Variants in GDI2 observed in about 807,000 individuals in gnomAD.
The protein encoded by GDI2 is GDP dissociation inhibitor 2.
Under a neutral mutation model 54.2 loss-of-function variants are expected in GDI2, and 22 were observed. That is an observed-to-expected ratio of 0.41 (90% CI 0.29 to 0.58). GDI2 has a LOEUF of 0.58. Ranked by LOEUF, GDI2 falls within the 20% of genes least tolerant of loss-of-function variation. The pLI is 0.35. For synonymous variants in GDI2, 177 were observed against 182.1 expected, an observed-to-expected ratio of 0.97 and a Z score of 0.23; for missense variants, 422 against 546.0, an observed-to-expected ratio of 0.77 and a Z score of 2.26.
chr10:5,794,232 T>A (rs868177728), intron 4 of GDI2, among the ~76,000 whole-genome samples: 616 of 97,166 alleles, frequency 6.3e-3, no homozygotes, highest in African/African-American at 7.1e-3. Flanking sequence ...TATATATATA[T>A]AAAACTCACC....
chr10:5,812,942 G>A (rs1320961751), intron 1 of GDI2, among the ~76,000 whole-genome samples: 1 of 152,202 alleles, frequency 6.6e-6, no homozygotes, highest in Non-Finnish European at 1.5e-5. Context: ...GGGGGCAAGC[G>A]CAGAGGCCGG....
At chr10:5,767,411 A>C (rs1840372644) in intron 8 of GDI2, among the ~76,000 whole-genome samples, 1 of 151,920 alleles carries the variant, frequency 6.6e-6, no homozygotes, top group South Asian at 2.1e-4. Context: ...TCCTGAGCTC[A>C]AGTGATCCTC....
chr10:5,794,172 GAAAA>G (rs1256206663), intron 4 of GDI2, among the ~76,000 whole-genome samples: 20 of 27,964 alleles, frequency 7.2e-4, no homozygotes, highest in Admixed American at 5.0e-3. Flanking sequence ...GTCTTTAAAA[GAAAA>G]AAAAAAAAAA....
intron 7 of GDI2, 121 bp downstream of exon 7, chr10:5,773,721 T>C (rs955652555): frequency 1.5e-6 from 1 of 646,556 alleles, no homozygotes; most frequent in African/African-American, 1.8e-5. Flanking sequence ...TTAGTCACAA[T>C]AAATACTAAC....
In GDI2 at chr10:5,813,240, C is replaced by G; in HGVS notation, c.19G>C (p.Val7Leu). MNEEYD[V>L]IVLGTGLTEC... ...GTCAGGCCGGTGCCCAGCACGATCA[C>G]GTCGTACTCCTCATTCATGGCGGGG... The change falls in exon 1 of 11, where the codon GTG becomes CTG. Residue 7 changes from valine to leucine, a missense_variant. Val to Leu is a conservative substitution (Grantham distance 32, BLOSUM62 1). Coordinates refer to ENST00000380191, the MANE Select transcript of GDI2 (RefSeq NM_001494.4). 6.3e-7 allele frequency: 1 copy of G among 1,596,926 alleles called. No individual in the cohort carries two copies. Among genetic ancestry groups the G allele is most frequent in the East Asian group, 2.3e-5 (1 of 43,718 alleles).
At chr10:5,810,321 A>T (rs1276178841) in intron 1 of GDI2, among the ~76,000 whole-genome samples, 1 of 152,242 alleles carries the variant, frequency 6.6e-6, no homozygotes, top group Admixed American at 6.5e-5. Context: ...AAGCACAAAC[A>T]GCTGTGGAAC....
At chr10:5,784,295 T>A (rs987758592) in intron 6 of GDI2, among the ~76,000 whole-genome samples, 1 of 152,250 alleles carries the variant, frequency 6.6e-6, no homozygotes, top group Non-Finnish European at 1.5e-5. Context: ...TATTTATTTA[T>A]GCTATTTTCC....
intron 1 of GDI2, among the ~76,000 whole-genome samples, chr10:5,806,069 G>C (rs571216526): frequency 3.4e-4 from 52 of 152,156 alleles, no homozygotes; most frequent in Non-Finnish European, 6.5e-4. Flanking sequence ...ATCAAGAAGA[G>C]TATAAATACA....
chr10:5,785,837 A>G lies in GDI2; in HGVS notation c.587+15T>C. ...ATTTCAAGAAAAATACAAATCTAAAAACCAAAATACTTACTCATCAGTTCT... is the reference window on the plus strand; with the variant it reads ...ATTTCAAGAAAAATACAAATCTAAAGACCAAAATACTTACTCATCAGTTCT... On this transcript the variant is annotated intron_variant, in intron 5 of 10. Coordinates refer to ENST00000380191, the MANE Select transcript of GDI2 (RefSeq NM_001494.4). 6.7e-7 allele frequency: 1 copy of G among 1,486,888 alleles called. No individual in the cohort carries two copies. Among genetic ancestry groups the G allele is most frequent in the Non-Finnish European group, 9.3e-7 (1 of 1,080,822 alleles). The allele number at this position is 1,486,888 out of a possible 1,614,324, so 92.1% of individuals were successfully genotyped here. A position where few individuals can be genotyped will look rare whatever the true frequency, so the allele number is the denominator to read the frequency against.
Position 5,776,511 on chromosome 10 carries a change from A to T in GDI2, c.720-2570T>A. 7.2e-7 allele frequency: 1 copy of T among 1,391,550 alleles called. No homozygotes were observed. Among genetic ancestry groups the T allele is most frequent in the Non-Finnish European group, 1.0e-6 (1 of 981,384 alleles). The allele number at this position is 1,391,550 out of a possible 1,614,324, so 86.2% of individuals were successfully genotyped here. On this transcript the variant is annotated intron_variant, in intron 6 of 10. Transcript: ENST00000380191. This position sits in a 1 kb window ranked among gnomAD's most constrained non-coding sequence, Gnocchi z 5.3. ...TATTAGAAGCAAAGGCCCGAAAGAT[A>T]AAACAATTATAGAGAAGCAGATTTG...
intron 6 of GDI2, among the ~76,000 whole-genome samples, chr10:5,777,126 A>G (rs1347455769): frequency 6.6e-6 from 1 of 152,198 alleles, no homozygotes; most frequent in Non-Finnish European, 1.5e-5. Flanking sequence ...AAATGGCTAC[A>G]TAGAATAATT....
intron 7 of GDI2, among the ~76,000 whole-genome samples, chr10:5,771,663 G>A (rs1371238779): frequency 6.6e-6 from 1 of 151,854 alleles, no homozygotes; most frequent in Non-Finnish European, 1.5e-5. Flanking sequence ...TGCTTCCTAA[G>A]AAAAACTTGA....
Position 5,768,590 on chromosome 10 carries a change from G to C in GDI2, c.820-206C>G. 1.8e-6 allele frequency: 1 copy of C among 558,092 alleles called. No homozygotes were observed. Among genetic ancestry groups the C allele is most frequent in the Non-Finnish European group, 3.2e-6 (1 of 313,196 alleles). The allele number at this position is 558,092 out of a possible 1,614,324, so 34.6% of individuals were successfully genotyped here. A position where few individuals can be genotyped will look rare whatever the true frequency, so the allele number is the denominator to read the frequency against. On this transcript the variant is annotated intron_variant, in intron 7 of 10. Coordinates refer to ENST00000380191, the MANE Select transcript of GDI2 (RefSeq NM_001494.4). The surrounding 1 kb of genome is among the most constrained non-coding windows in gnomAD (Gnocchi z 4.4). ...AGCTGGAGGACTCACTCACTAAAAA[G>C]CTACAGTGATCAATTCAGTGTGGTA...
Position 5,766,580 on chromosome 10 carries a change from A to G in GDI2, c.1050T>C (p.Ile350=). ...TTTCCACAGTTGTACTAACTATAGC[A>G]ATGTACTTCCCTTGTGCTGCTACAT... The part of the protein sequence containing the change: ...AHNVAAQGKY[I]AIVSTTVETK... The change falls in exon 9 of 11, where the codon ATT becomes ATC. Residue 350 remains isoleucine, a synonymous_variant. Transcript: ENST00000380191. The surrounding 1 kb of genome is among the most constrained non-coding windows in gnomAD (Gnocchi z 5.8). 6.2e-7 allele frequency: 1 copy of G among 1,613,138 alleles called. No individual in the cohort carries two copies. The highest frequency in any genetic ancestry group is 8.5e-7 in the Non-Finnish European group (1 of 1,179,122).
At chr10:5,801,398 G>A (rs1035305838) in intron 1 of GDI2, among the ~76,000 whole-genome samples, 2 of 152,102 alleles carry the variant, frequency 1.3e-5, no homozygotes, top group South Asian at 2.1e-4. Flanking sequence ...TTGATAGGGT[G>A]GGCACAGTGG....
At position 5,776,751 on chromosome 10, in the gene GDI2, C is replaced by T. The variant is rs1470726479; in HGVS notation, c.720-2810G>A. 50 of 1,531,244 alleles carry T rather than the reference C, an allele frequency of 3.3e-5. No individual in the cohort carries two copies. Among genetic ancestry groups the T allele is most frequent in the Middle Eastern group, 3.8e-4 (2 of 5,242 alleles). 94.9% of individuals were successfully genotyped at this position (1,531,244 alleles called of 1,614,324 possible). A position where few individuals can be genotyped will look rare whatever the true frequency, so the allele number is the denominator to read the frequency against. ...ACCTGGCAGAAGTTTGCAGCAAATA[C>T]CAGGAAAGCCAAGGACATTCCAATC... On this transcript the variant is annotated intron_variant, in intron 6 of 10. Transcript: ENST00000380191. This position sits in a 1 kb window ranked among gnomAD's most constrained non-coding sequence, Gnocchi z 5.3.
Position 5,786,026 on chromosome 10 carries a change from C to T in GDI2, c.413G>A (p.Arg138His), listed in dbSNP as rs1271271901. ...ATACACTAGGAATTTCCTGAAGCGA[C>T]GTTTTTCAAACAATCCCATTAGGCC... ...ASSLMGLFEK[R>H]RFRKFLVYVA... Residue 138 changes from arginine (R) to histidine (H), a missense_variant, in exon 5 of 11, where the codon CGT (arginine) becomes CAT (histidine). Coordinates refer to ENST00000380191, the MANE Select transcript of GDI2 (RefSeq NM_001494.4). 3 of 1,612,972 alleles carry T rather than the reference C, an allele frequency of 1.9e-6. No homozygotes were observed. Among genetic ancestry groups the T allele is most frequent in the African/African-American group, 1.3e-5 (1 of 74,818 alleles).
At chr10:5,804,156 C>T (rs539499128) in intron 1 of GDI2, among the ~76,000 whole-genome samples, 19 of 151,670 alleles carry the variant, frequency 1.3e-4, no homozygotes, top group Middle Eastern at 3.4e-3. Flanking sequence ...TGCAGTGGCG[C>T]GATCTTGGCT....
Position 5,786,002 on chromosome 10 carries a change from T to A in GDI2, c.437A>T (p.Tyr146Phe), listed in dbSNP as rs1306956229. Residue 146 changes from tyrosine to phenylalanine, a missense_variant, in exon 5 of 11, where the codon TAT becomes TTT. Transcript: ENST00000380191. The part of the protein sequence containing the change: ...EKRRFRKFLV[Y>F]VANFDEKDPR... ...ATCTTTTTCATCGAAGTTGGCAACA[T>A]ACACTAGGAATTTCCTGAAGCGACG... The A allele has an allele frequency of 1.2e-6, 2 of 1,613,696 alleles. No homozygotes were observed. The highest frequency in any genetic ancestry group is 1.7e-6 in the Non-Finnish European group (2 of 1,179,806).
Sources: allele counts gnomAD v4.1 joint callset (sites outside exome capture counted in the v4.1 genomes callset), GRCh38; gene constraint gnomAD v4.1.1; non-coding constraint Gnocchi (gnomAD v3.1); transcripts MANE v1.5; gene names NCBI Gene and HGNC (gene_info 2026-07-23, HGNC 2026-07-21).